GPM6B: variants seen among roughly 807,000 people sequenced by gnomAD.
GPM6B encodes the protein glycoprotein M6B.
Under a neutral mutation model 27.2 loss-of-function variants are expected in GPM6B, and 4 were observed. That is an observed-to-expected ratio of 0.15 (90% CI 0.07 to 0.34). GPM6B has a LOEUF of 0.34. GPM6B is among the 10% of genes least tolerant of loss of function. The pLI is 1.00. For synonymous variants in GPM6B, 124 were observed against 103.1 expected (o/e 1.20, Z -1.23); for missense variants, 183 against 261.9 (o/e 0.70, Z 2.08).
At chrX:13,817,365 C>T (rs992683760), upstream of GPM6B, 6 of 751,402 alleles carry the variant, frequency 8.0e-6, no homozygotes, top group Admixed American at 8.8e-5. Context: ...CCAATGAATG[C>T]TAATTAATTC....
intron 1 of GPM6B, among the ~76,000 whole-genome samples, chrX:13,887,120 G>A (rs969602562): frequency 6.2e-5 from 7 of 112,138 alleles, no homozygotes; most frequent in African/African-American, 1.6e-4. Context: ...TGCCTGGCCC[G>A]AGCCTTCATC....
intron 1 of GPM6B, among the ~76,000 whole-genome samples, chrX:13,811,544 C>T (rs1372568522): frequency 8.9e-6 from 1 of 112,155 alleles, no homozygotes; most frequent in African/African-American, 3.2e-5. Flanking sequence ...TTATAGCCAT[C>T]TGTTTTTATT....
At chrX:13,786,896 T>G in intron 2 of GPM6B, among the ~76,000 whole-genome samples, 1 of 109,796 alleles carries the variant, frequency 9.1e-6, no homozygotes. Flanking sequence ...ATAATGTCAG[T>G]ACCTCTCCTA....
chrX:13,816,128 C>T lies in GPM6B; in HGVS notation c.61+716G>A, dbSNP rs763385334. ...TTAGTTCCTTTCTGCCATTTTCTTA[C>T]TGCAAAAACACTTTATTCTCCAAAA... is the stretch of plus-strand genomic sequence containing the variant. On this transcript the variant is annotated intron_variant, in intron 1 of 7. Transcript: ENST00000316715. 2.7e-5 allele frequency among the ~76,000 whole-genome samples: 3 copies of T among 112,019 alleles called. No individual in the cohort carries two copies. In the Admixed American group the frequency reaches 2.8e-4, roughly 11 times the overall value.
intron 2 of GPM6B, among the ~76,000 whole-genome samples, chrX:13,791,204 GGTT>G (rs1157509898): frequency 9.1e-6 from 1 of 109,908 alleles, no homozygotes; most frequent in Non-Finnish European, 1.9e-5. Context: ...ATCAATGCCA[GGTT>G]TTTTTTTTTT....
intron 1 of GPM6B, among the ~76,000 whole-genome samples, chrX:13,916,247 G>C (rs1467458088): frequency 6.2e-5 from 7 of 112,044 alleles, no homozygotes; most frequent in Non-Finnish European, 9.4e-5. Flanking sequence ...GGCAGAGATG[G>C]ATAAAAGAGA....
upstream of GPM6B, among the ~76,000 whole-genome samples, chrX:13,821,940 C>T (rs762680273): frequency 5.4e-5 from 6 of 111,714 alleles, no homozygotes; most frequent in African/African-American, 1.6e-4. Flanking sequence ...TTCAGCTGAC[C>T]GAGAATTCAT....
At chrX:13,915,617 G>C (rs901380587) in intron 1 of GPM6B, among the ~76,000 whole-genome samples, 4 of 112,668 alleles carry the variant, frequency 3.6e-5, no homozygotes, top group Non-Finnish European at 5.6e-5. Context: ...GATACAATGA[G>C]GATTACATTA....
intron 1 of GPM6B, among the ~76,000 whole-genome samples, chrX:13,854,439 T>C (rs960097002): frequency 1.8e-5 from 2 of 111,717 alleles, no homozygotes; most frequent in African/African-American, 6.5e-5. Flanking sequence ...GATTTAAATA[T>C]ACAGACTCCT....
chrX:13,881,651 C>T (rs1407565892), intron 1 of GPM6B, among the ~76,000 whole-genome samples: 3 of 62,803 alleles, frequency 4.8e-5, no homozygotes, highest in Non-Finnish European at 8.8e-5. Flanking sequence ...TCCTCATGAC[C>T]CTAGGAGATA....
At chrX:13,911,602 CTATCAA>C (rs1347442297) in intron 1 of GPM6B, among the ~76,000 whole-genome samples, 1 of 112,289 alleles carries the variant, frequency 8.9e-6, no homozygotes. Context: ...CATGAAAGGT[CTATCAA>C]TTTTGGCCTT....
upstream of GPM6B, chrX:13,938,450 T>C: frequency 1.2e-6 from 1 of 804,868 alleles, no homozygotes; most frequent in Non-Finnish European, 1.6e-6. Flanking sequence ...GGGCGCGCCC[T>C]CCCGGGGCGG....
chrX:13,899,280 G>A (rs757245490), intron 1 of GPM6B, among the ~76,000 whole-genome samples: 2 of 107,402 alleles, frequency 1.9e-5, no homozygotes, highest in Admixed American at 2.0e-4. Flanking sequence ...GCGTGGTGGT[G>A]GGCGCCTGTA....
chrX:13,893,533 C>T (rs1016828692), intron 1 of GPM6B, among the ~76,000 whole-genome samples: 4 of 112,223 alleles, frequency 3.6e-5, no homozygotes, highest in African/African-American at 1.3e-4. Context: ...CTTTTCCCTG[C>T]TCTGTATCTG....
intron 1 of GPM6B, among the ~76,000 whole-genome samples, chrX:13,845,590 T>C (rs768296690): frequency 4.1e-4 from 46 of 112,360 alleles, no homozygotes; most frequent in Non-Finnish European, 7.7e-4. Context: ...AGCTTACAAC[T>C]AGTTATATAT....
At chrX:13,854,317 C>T (rs147527883) in intron 1 of GPM6B, among the ~76,000 whole-genome samples, 1,352 of 111,701 alleles carry the variant, frequency 0.012, 32 homozygotes, top group African/African-American at 0.041. Context: ...CTACAAAGGG[C>T]CAAAAAGGAT....
intron 1 of GPM6B, among the ~76,000 whole-genome samples, chrX:13,928,608 C>T (rs1921324308): frequency 8.9e-6 from 1 of 112,598 alleles, no homozygotes. Flanking sequence ...AAGAGCTTGA[C>T]TTACATTGCT....
intron 1 of GPM6B, 80 bp from the exon 2 acceptor site, chrX:13,807,849 C>T: frequency 1.1e-6 from 1 of 942,260 alleles, no homozygotes; most frequent in Admixed American, 2.8e-5. Context: ...TTATTCTTTA[C>T]CATAGAAAGG....
intron 1 of GPM6B, among the ~76,000 whole-genome samples, chrX:13,916,485 A>G (rs760233912): frequency 9.0e-6 from 1 of 111,369 alleles, no homozygotes; most frequent in East Asian, 2.8e-4. Flanking sequence ...AACCCCAGTC[A>G]TCTGCAAAAT....
Sources: gnomAD v4.1 joint callset for allele counts (sites outside exome capture counted in the v4.1 genomes callset) on GRCh38, gnomAD v4.1.1 for gene constraint, MANE v1.5 for transcripts, NCBI Gene and HGNC (gene_info 2026-07-23, HGNC 2026-07-21) for gene names.